CSMD3: variants seen among roughly 807,000 people sequenced by gnomAD.
CSMD3 encodes the protein CUB and sushi domain-containing protein 3.
A neutral mutation model predicts 435.2 loss-of-function variants in CSMD3; 177 were observed. That is an observed-to-expected ratio of 0.41 (90% CI 0.36 to 0.46). The LOEUF is 0.46. Ranked by LOEUF, CSMD3 falls within the 20% of genes least tolerant of loss-of-function variation. The probability of loss-of-function intolerance (pLI) is 0.34; values close to 1 mark genes in which losing one functional copy is unlikely to be tolerated. For missense variants in CSMD3, 4,265 were observed against 4,504.6 expected (o/e 0.95, Z 1.52); for synonymous variants, 1,656 against 1,520.5 (o/e 1.09, Z -2.07).
chr8:112,547,819 G>A (rs1233466964), intron 27 of CSMD3, among the ~76,000 whole-genome samples: 2 of 152,100 alleles, frequency 1.3e-5, no homozygotes, highest in African/African-American at 4.8e-5. Flanking sequence ...ATTAAGAGTT[G>A]CTTGAGTTAA....
intron 32 of CSMD3, among the ~76,000 whole-genome samples, chr8:112,457,231 T>C (rs975324279): frequency 1.3e-5 from 2 of 152,078 alleles, no homozygotes; most frequent in African/African-American, 4.8e-5. Context: ...CATGCTTGGC[T>C]AGTCAGATGG....
At position 112,287,057 on chromosome 8, in the gene CSMD3, A is replaced by T. The variant is rs891524622; in HGVS notation, c.9331+7T>A. The T allele has an allele frequency of 6.2e-7, 1 of 1,610,866 alleles. No homozygotes were observed. The highest frequency in any genetic ancestry group is 8.5e-7 in the Non-Finnish European group (1 of 1,177,288). Reference sequence around the variant, plus strand: ...TTGCAATATATTTAATTTCTGCTTGAGATTACCTTTGCACTCTGGCTGCCT... The same window carrying T: ...TTGCAATATATTTAATTTCTGCTTGTGATTACCTTTGCACTCTGGCTGCCT... On this transcript the variant is annotated splice_region_variant and intron_variant, in intron 58 of 70. Coordinates refer to ENST00000297405, the MANE Select transcript of CSMD3 (RefSeq NM_198123.2).
chr8:112,351,145 G>T (rs2131053438), intron 40 of CSMD3, 30 bp downstream of exon 40: 1 of 1,290,012 alleles, frequency 7.8e-7, no homozygotes, highest in Non-Finnish European at 1.1e-6. Context: ...TTAAGTTCTA[G>T]GGTAAATACT....
chr8:112,891,218 T>C (rs1383195039), intron 10 of CSMD3, among the ~76,000 whole-genome samples: 1 of 151,528 alleles, frequency 6.6e-6, no homozygotes, highest in Admixed American at 6.6e-5. Flanking sequence ...GGAAGCCTGA[T>C]AGAAATGCGA....
intron 20 of CSMD3, among the ~76,000 whole-genome samples, chr8:112,640,044 G>A (rs2074779306): frequency 6.6e-6 from 1 of 152,092 alleles, no homozygotes; most frequent in South Asian, 2.1e-4. Context: ...TAGACAACAT[G>A]GTTGCTCCGT....
chr8:113,159,729 T>C (rs1427872318), intron 4 of CSMD3, among the ~76,000 whole-genome samples: 1 of 152,046 alleles, frequency 6.6e-6, no homozygotes, highest in Non-Finnish European at 1.5e-5. Context: ...ATAATATCTA[T>C]AGGATTTAAC....
chr8:112,310,230 G>GT, intron 50 of CSMD3: 1 of 152,118 alleles, frequency 6.6e-6, no homozygotes, highest in East Asian at 1.9e-4. Context: ...GTTTTGTTTT[G>GT]TTTTTTGAGA....
At chr8:113,143,990 C>A (rs2091612187) in intron 4 of CSMD3, among the ~76,000 whole-genome samples, 2 of 151,176 alleles carry the variant, frequency 1.3e-5, no homozygotes. Context: ...CTTAAAACTG[C>A]ACGTGAATCC....
chr8:113,044,642 C>A (rs1947854), intron 5 of CSMD3, among the ~76,000 whole-genome samples: 2 of 149,016 alleles, frequency 1.3e-5, no homozygotes, highest in East Asian at 3.9e-4. Context: ...GTAATTAGTA[C>A]TAGTTTTTTG....
intron 1 of CSMD3, among the ~76,000 whole-genome samples, chr8:113,375,099 T>C (rs2094373031): frequency 6.6e-6 from 1 of 152,174 alleles, no homozygotes; most frequent in Non-Finnish European, 1.5e-5. Context: ...TCTATGGCTT[T>C]TCCTCACCTA....
intron 22 of CSMD3, among the ~76,000 whole-genome samples, chr8:112,618,160 T>G (rs905071587): frequency 6.6e-6 from 1 of 152,240 alleles, no homozygotes; most frequent in African/African-American, 2.4e-5. Context: ...AAAATCATGG[T>G]ATACAGTAAG....
chr8:113,176,509 T>A (rs1320858539), intron 3 of CSMD3, among the ~76,000 whole-genome samples: 10 of 152,258 alleles, frequency 6.6e-5, no homozygotes, highest in African/African-American at 1.7e-4. Context: ...ATTCTCTTCT[T>A]ACTCTTAATG....
chr8:113,189,417 G>C (rs1200743122), intron 3 of CSMD3, among the ~76,000 whole-genome samples: 2 of 151,742 alleles, frequency 1.3e-5, no homozygotes, highest in African/African-American at 2.4e-5. Flanking sequence ...GCATACTTCT[G>C]ATTAAAATTA....
intron 45 of CSMD3, among the ~76,000 whole-genome samples, chr8:112,330,767 T>G (rs1190111615): frequency 6.6e-6 from 1 of 152,100 alleles, no homozygotes; most frequent in Non-Finnish European, 1.5e-5. Flanking sequence ...TTGACTAAAT[T>G]TTTAAAGAAC....
intron 36 of CSMD3, among the ~76,000 whole-genome samples, chr8:112,386,031 G>A (rs2131267663): frequency 6.6e-6 from 1 of 152,284 alleles, no homozygotes; most frequent in Admixed American, 6.5e-5. Context: ...ATTCATAGAA[G>A]AGAAGACGAT....
chr8:112,940,939 A>G (rs1340417393), intron 9 of CSMD3, among the ~76,000 whole-genome samples: 1 of 151,838 alleles, frequency 6.6e-6, no homozygotes, highest in African/African-American at 2.4e-5. Context: ...AATTACATTT[A>G]TTGAGCTCTC....
chr8:113,388,492 C>G (rs776298436), intron 1 of CSMD3, among the ~76,000 whole-genome samples: 1 of 151,498 alleles, frequency 6.6e-6, no homozygotes, highest in South Asian at 2.1e-4. Flanking sequence ...TTATTTAGTA[C>G]CTTTTTTAGC....
chr8:112,871,824 G>A (rs2081144593), intron 10 of CSMD3, among the ~76,000 whole-genome samples: 2 of 152,024 alleles, frequency 1.3e-5, no homozygotes, highest in African/African-American at 4.8e-5. Flanking sequence ...CCAAAGTTAT[G>A]TTTACTACAT....
At chr8:112,264,155 A>G (rs530072045) in intron 60 of CSMD3, among the ~76,000 whole-genome samples, 1 of 152,244 alleles carries the variant, frequency 6.6e-6, no homozygotes, top group East Asian at 1.9e-4. Flanking sequence ...TTATTTTCCA[A>G]TGACCTTTAG....
Sources: allele counts gnomAD v4.1 joint callset (sites outside exome capture counted in the v4.1 genomes callset), GRCh38; gene constraint gnomAD v4.1.1; transcripts MANE v1.5; gene names NCBI Gene and HGNC (gene_info 2026-07-23, HGNC 2026-07-21).